Variants in SPIB observed in about 807,000 individuals in gnomAD.
SPIB encodes transcription factor Spi-B.
A neutral mutation model predicts 31.9 loss-of-function variants in SPIB; 7 were observed. The observed-to-expected ratio is 0.22, with a 90% CI of 0.12 to 0.41. The LOEUF (loss-of-function observed/expected upper bound fraction) is 0.41. SPIB is among the 10% of genes least tolerant of loss of function. The probability of loss-of-function intolerance (pLI) is 1.00; values close to 1 mark genes in which losing one functional copy is unlikely to be tolerated. For synonymous variants in SPIB, 176 were observed against 158.9 expected (o/e 1.11, Z -0.81); for missense variants, 327 against 360.2 (o/e 0.91, Z 0.75).
Position 50,428,129 on chromosome 19 carries a change from C to A in SPIB, c.582C>A (p.Gly194=). 6.3e-7 allele frequency: 1 copy of A among 1,583,688 alleles called. No individual in the cohort carries two copies. Among genetic ancestry groups the A allele is most frequent in the Non-Finnish European group, 8.6e-7 (1 of 1,164,554 alleles). ...AGTGCGTGTGGTGGGTGGAGCCAGG[C>A]GCCGGCGTCTTCCAGTTCTCCTCCA... ...MRECVWWVEP[G]AGVFQFSSKH... Residue 194 remains glycine, a synonymous_variant, in exon 6 of 6, where the codon GGC becomes GGA. Transcript: ENST00000595883. The surrounding 1 kb of genome is among the most constrained non-coding windows in gnomAD (Gnocchi z 6.5).
rs1250122388 is a variant in SPIB, at chr19:50,430,800, C to T, written c.*2464C>T. ...CTTTGACACCGCCTGAAATCCACCC[C>T]ACTCCCAGGAGGAGGAGGAGGAAGG... On this transcript the variant is annotated 3_prime_UTR_variant, in exon 6 of 6. Transcript: ENST00000595883. 1 of 152,076 alleles carries T rather than the reference C, an allele frequency of 6.6e-6. No individual in the cohort carries two copies. Among genetic ancestry groups the T allele is most frequent in the African/African-American group, 2.4e-5 (1 of 41,372 alleles). 9.4% of individuals were successfully genotyped at this position (152,076 alleles called of 1,614,324 possible). A position where few individuals can be genotyped will look rare whatever the true frequency, so the allele number is the denominator to read the frequency against.
chr19:50,429,716 A>G lies in SPIB; in HGVS notation c.*1380A>G, dbSNP rs954784783. The G allele has an allele frequency of 1.3e-5, 2 of 151,710 alleles. No homozygotes were observed. The highest frequency in any genetic ancestry group is 4.9e-5 in the African/African-American group (2 of 41,174). The allele number at this position is 151,710 out of a possible 1,614,324, so 9.4% of individuals were successfully genotyped here. ...GAGTGAGACACCGTCTTAAAAACAAAAACAAGGCCGGGCACGGTGGCTCAT... is the reference window on the plus strand; with the variant it reads ...GAGTGAGACACCGTCTTAAAAACAAGAACAAGGCCGGGCACGGTGGCTCAT... On this transcript the variant is annotated 3_prime_UTR_variant, in exon 6 of 6. Transcript: ENST00000595883.
At chr19:50,423,062 A>C in intron 4 of SPIB, 25 bp downstream of exon 4, 1 of 1,154,228 alleles carries the variant, frequency 8.7e-7, no homozygotes, top group Non-Finnish European at 1.2e-6. Context: ...GACAGTTAAA[A>C]TCAAGCCCAA....
rs181357952 is a variant in SPIB, at chr19:50,423,739, G to A, written c.474G>A (p.Gly158=). The part of the protein sequence containing the change: ...SDEALVAGPE[G]KGSEAGTRKK... ...AGGCCCTCGTGGCTGGCCCCGAGGG[G>A]AAGGGATCCGAGGCAGGTATGCGGG... is the stretch of plus-strand genomic sequence containing the variant. The change falls in exon 5 of 6, where the codon GGG becomes GGA. Residue 158 remains glycine, a synonymous_variant. Coordinates refer to ENST00000595883, the MANE Select transcript of SPIB (RefSeq NM_003121.5). 3.4e-5 allele frequency: 54 copies of A among 1,609,520 alleles called. No individual in the cohort carries two copies. The Admixed American group carries it at 5.1e-4, about 15-fold the overall frequency.
chr19:50,420,065 A>T, intron 2 of SPIB, 92 bp downstream of exon 2: 1 of 1,144,810 alleles, frequency 8.7e-7, no homozygotes, highest in South Asian at 2.3e-5. Flanking sequence ...TTCCCCTCCC[A>T]CCTCTTCCTG....
intron 1 of SPIB, 79 bp from the exon 2 acceptor site, chr19:50,419,867 C>T: frequency 6.9e-7 from 1 of 1,442,692 alleles, no homozygotes; most frequent in Non-Finnish European, 9.2e-7. Flanking sequence ...GCTGCCGCCT[C>T]CCCATCAGCC....
rs574649624 is a variant in SPIB, at chr19:50,428,866, C to T, written c.*530C>T. ...GAGCTGTTATCATCTCAGATCTCTTCGCCCATCTATGGCTGTGTTGTCACA... is the reference window on the plus strand; with the variant it reads ...GAGCTGTTATCATCTCAGATCTCTTTGCCCATCTATGGCTGTGTTGTCACA... On this transcript the variant is annotated 3_prime_UTR_variant, in exon 6 of 6. Coordinates refer to ENST00000595883, the MANE Select transcript of SPIB (RefSeq NM_003121.5). This position sits in a 1 kb window ranked among gnomAD's most constrained non-coding sequence, Gnocchi z 6.5. 79 of 154,616 alleles carry T rather than the reference C, an allele frequency of 5.1e-4. No homozygotes were observed. The highest frequency in any genetic ancestry group is 1.0e-3 in the Non-Finnish European group (72 of 69,894). 9.6% of individuals were successfully genotyped at this position (154,616 alleles called of 1,614,324 possible). A position where few individuals can be genotyped will look rare whatever the true frequency, so the allele number is the denominator to read the frequency against.
intron 5 of SPIB, among the ~76,000 whole-genome samples, chr19:50,426,180 G>A (rs2039563660): frequency 6.6e-6 from 1 of 152,118 alleles, no homozygotes; most frequent in African/African-American, 2.4e-5. Flanking sequence ...CTGCACTCCA[G>A]CCTGGGCAAC....
intron 1 of SPIB, 103 bp from the exon 2 acceptor site, chr19:50,419,843 C>T (rs751424302): frequency 7.6e-5 from 93 of 1,219,506 alleles, no homozygotes; most frequent in East Asian, 1.5e-4. Flanking sequence ...CACAGGGCTG[C>T]GGTGGTCACA....
Position 50,428,306 on chromosome 19 carries a change from C to T in SPIB, c.759C>T (p.Ser253=), listed in dbSNP as rs548596744. 7.1e-6 allele frequency: 11 copies of T among 1,549,658 alleles called. No individual in the cohort carries two copies. In the South Asian group the frequency reaches 1.2e-4, roughly 17 times the overall value. Residue 253 remains serine (S), a synonymous_variant, in exon 6 of 6, where the codon AGC becomes AGT. Transcript: ENST00000595883. The surrounding 1 kb of genome is among the most constrained non-coding windows in gnomAD (Gnocchi z 6.5). ...GCAAGCTCACCTACCAGTTCGACAGCGCGCTGCTGCCTGCAGTCCGCCGGG... is the reference window on the plus strand; with the variant it reads ...GCAAGCTCACCTACCAGTTCGACAGTGCGCTGCTGCCTGCAGTCCGCCGGG... ...VKRKLTYQFD[S]ALLPAVRRA is the part of the protein sequence containing the mutation.
chr19:50,428,202 C>T lies in SPIB; in HGVS notation c.655C>T (p.Arg219Cys). Residue 219 changes from arginine to cysteine, a missense_variant, in exon 6 of 6, where the codon CGC becomes TGC. By Grantham distance (180) the Arg-to-Cys change is radical. Transcript: ENST00000595883. This position sits in a 1 kb window ranked among gnomAD's most constrained non-coding sequence, Gnocchi z 6.5. ...ARRWGQQKGN[R>C]KRMTYQKLAR... is the part of the protein sequence containing the mutation. ...CCGCTGGGGCCAGCAGAAGGGGAAC[C>T]GCAAGCGCATGACCTACCAGAAGCT... 1.3e-6 allele frequency: 2 copies of T among 1,587,356 alleles called. No individual in the cohort carries two copies. Among genetic ancestry groups the T allele is most frequent in the Non-Finnish European group, 1.7e-6 (2 of 1,166,852 alleles).
Position 50,430,742 on chromosome 19 carries a change from C to CAA in SPIB, c.*2417_*2418dup, listed in dbSNP as rs546542748. 8 of 142,404 alleles carry CAA rather than the reference C, an allele frequency of 5.6e-5. No homozygotes were observed. The South Asian group carries it at 6.7e-4, about 12-fold the overall frequency. The allele number at this position is 142,404 out of a possible 1,614,324, so 8.8% of individuals were successfully genotyped here. ...GGGCGACAAGAGCGAAACTCCGTCT[C>CAA]AAAAAAAAAAAACTGTTGCAGCCCC... On this transcript the variant is annotated 3_prime_UTR_variant, in exon 6 of 6. Transcript: ENST00000595883.
At chr19:50,423,154 C>T (rs1234386909) in intron 4 of SPIB, 117 bp downstream of exon 4, 4 of 500,030 alleles carry the variant, frequency 8.0e-6, no homozygotes, top group Admixed American at 3.6e-5. Flanking sequence ...CCCAGAAGGT[C>T]GAGGCAATCC....
Position 50,423,032 on chromosome 19 carries a change from A to C in SPIB, c.334A>C (p.Ser112Arg). Residue 112 changes from serine (S) to arginine (R), a missense_variant, in exon 4 of 6, where the codon AGC becomes CGC. Transcript: ENST00000595883. Reference protein sequence around the residue: ...LPAYPTENFASQTLVPPAYAP... With the variant: ...LPAYPTENFARQTLVPPAYAP... ...TGCATACCCCACGGAGAACTTCGCT[A>C]GCCAGGTGAGTGGTAAGGGGACAGT... 7.0e-7 allele frequency: 1 copy of C among 1,428,602 alleles called. No homozygotes were observed. The highest frequency in any genetic ancestry group is 1.4e-5 in the South Asian group (1 of 72,810). The allele number at this position is 1,428,602 out of a possible 1,614,324, so 88.5% of individuals were successfully genotyped here.
At chr19:50,423,112 G>T in intron 4 of SPIB, 75 bp downstream of exon 4, 1 of 730,682 alleles carries the variant, frequency 1.4e-6, no homozygotes, top group Non-Finnish European at 2.2e-6. Flanking sequence ...CCAGCTGCTT[G>T]AGAGGCTGAG....
At chr19:50,426,109 T>C (rs1337895565) in intron 5 of SPIB, among the ~76,000 whole-genome samples, 1 of 152,124 alleles carries the variant, frequency 6.6e-6, no homozygotes, top group East Asian at 1.9e-4. Flanking sequence ...CTTGGGAGGC[T>C]GAGGCAGGAG....
rs760253097 is a variant in SPIB at position 50,422,996 on chromosome 19, C to T, written c.298C>T (p.Pro100Ser). ...GGCCCCCAGCCTGGAGGCCCCGGGGCCTGGCCTCCCTGCATACCCCACGGA... is the reference window on the plus strand; with the variant it reads ...GGCCCCCAGCCTGGAGGCCCCGGGGTCTGGCCTCCCTGCATACCCCACGGA... ...ELAPSLEAPG[P>S]GLPAYPTENF... Residue 100 changes from proline (P) to serine (S), a missense_variant, in exon 4 of 6, where the codon CCT becomes TCT. Pro to Ser is a moderately conservative substitution (Grantham distance 74). This residue lies in a region of SPIB where 238 missense variants were observed against 228.8 expected (regional missense o/e 1.04). Transcript: ENST00000595883. 5.8e-6 allele frequency: 9 copies of T among 1,555,266 alleles called. No homozygotes were observed. In the South Asian group the frequency reaches 8.3e-5, roughly 14 times the overall value.
At chr19:50,422,364 C>T in intron 2 of SPIB, 109 bp from the exon 3 acceptor site, 1 of 833,336 alleles carries the variant, frequency 1.2e-6, no homozygotes, top group Non-Finnish European at 1.9e-6. Context: ...CTCCAGCATC[C>T]CCTCTTCTCT....
chr19:50,424,546 G>A (rs2039541941), intron 5 of SPIB, among the ~76,000 whole-genome samples: 1 of 152,154 alleles, frequency 6.6e-6, no homozygotes, highest in Non-Finnish European at 1.5e-5. Flanking sequence ...ACTTTGAGAG[G>A]CTGAGGAGGA....
Sources: allele counts gnomAD v4.1 joint callset (sites outside exome capture counted in the v4.1 genomes callset), GRCh38; gene constraint gnomAD v4.1.1; regional missense constraint gnomAD v4.1.1; non-coding constraint Gnocchi (gnomAD v3.1); transcripts MANE v1.5; gene names NCBI Gene and HGNC (gene_info 2026-07-23, HGNC 2026-07-21).